The following ARHGAP11B variants were observed in gnomAD, a reference collection of about 807,000 sequenced individuals.
ARHGAP11B encodes Rho GTPase activating protein 11B, also known as inactive Rho GTPase-activating protein 11B.
In ARHGAP11B, 14 loss-of-function variants were observed where a neutral mutation model predicts 27.6. That is an observed-to-expected ratio of 0.51 (90% CI 0.34 to 0.79). The LOEUF (loss-of-function observed/expected upper bound fraction) is 0.79. Among genes scored for constraint, ARHGAP11B ranks in the 30% least tolerant of loss-of-function variants. ARHGAP11B has a pLI of 0.02. For missense variants in ARHGAP11B, 245 were observed against 320.1 expected (o/e 0.77, Z 1.79); for synonymous variants, 82 against 114.1 (o/e 0.72, Z 1.80).
At chr15:30,632,470 A>T (rs1028082442) in intron 2 of ARHGAP11B, among the ~76,000 whole-genome samples, 3 of 151,956 alleles carry the variant, frequency 2.0e-5, no homozygotes, top group African/African-American at 7.3e-5. Context: ...TTGCAAAGTC[A>T]TATTCCCAGG....
Position 30,626,811 on chromosome 15 carries a change from C to T in ARHGAP11B, c.-10C>T. On this transcript the variant is annotated 5_prime_UTR_variant, in exon 1 of 11. The change creates a new upstream start codon in the 5' untranslated region. Coordinates refer to ENST00000428041, the Ensembl canonical transcript of ARHGAP11B. ...CTGCATCCTGCCTCAGAGTTATCGA[C>T]GTATCCGGAATGTGGGATCAGAGGC... 1.2e-6 allele frequency: 2 copies of T among 1,613,342 alleles called. No individual in the cohort carries two copies. The highest frequency in any genetic ancestry group is 1.7e-6 in the Non-Finnish European group (2 of 1,179,622).
intron 9 of ARHGAP11B, among the ~76,000 whole-genome samples, chr15:30,646,486 TTC>T (rs2060348771): frequency 6.6e-6 from 1 of 151,914 alleles, no homozygotes; most frequent in South Asian, 2.1e-4. Context: ...ATTTTGAACT[TTC>T]TGTTGTTGTT....
chr15:30,643,063 A>C (rs2060324598), intron 7 of ARHGAP11B, among the ~76,000 whole-genome samples: 1 of 151,990 alleles, frequency 6.6e-6, no homozygotes, highest in South Asian at 2.1e-4. Context: ...TCTTTCTGTA[A>C]AAGGAAAAAT....
chr15:30,632,517 A>T (rs1030309789), intron 2 of ARHGAP11B, among the ~76,000 whole-genome samples: 1 of 151,830 alleles, frequency 6.6e-6, no homozygotes, highest in Non-Finnish European at 1.5e-5. Context: ...TTCATGACCT[A>T]CTTTTTATTT....
intron 7 of ARHGAP11B, among the ~76,000 whole-genome samples, chr15:30,639,539 A>G (rs1479877908): frequency 6.6e-6 from 1 of 151,890 alleles, no homozygotes; most frequent in Non-Finnish European, 1.5e-5. Context: ...CTTTATAAGA[A>G]GAAATTATGT....
intron 6 of ARHGAP11B, among the ~76,000 whole-genome samples, chr15:30,637,076 CCCAGTCCTGTAGTTTCAGTTATCA>C (rs1317453028): frequency 3.3e-5 from 5 of 151,886 alleles, no homozygotes; most frequent in South Asian, 4.2e-4. Context: ...TGCCCTCTTT[CCCAGTCCTGTAGTTTCAGTTATCA>C]CCAGTCCTGT....
exon 9 of ARHGAP11B, chr15:30,646,140 C>G (rs912518375): frequency 4.0e-5 from 42 of 1,043,032 alleles, no homozygotes; most frequent in Non-Finnish European, 4.9e-5. Flanking sequence ...TCTGAAAGAC[C>G]AAGATTGGAA....
chr15:30,649,001 T>C (rs1281660991), exon 11 of ARHGAP11B: 9 of 152,158 alleles, frequency 5.9e-5, no homozygotes, highest in Non-Finnish European at 1.0e-4. Context: ...TAAACACTTT[T>C]ATTTAAAACA....
intron 6 of ARHGAP11B, among the ~76,000 whole-genome samples, chr15:30,637,526 A>G (rs1214454297): frequency 6.6e-6 from 1 of 152,070 alleles, no homozygotes; most frequent in Non-Finnish European, 1.5e-5. Context: ...TGAGGTCAGG[A>G]GATCGAGACC....
chr15:30,646,347 C>A, intron 9 of ARHGAP11B: 1 of 404,478 alleles, frequency 2.5e-6, no homozygotes, highest in Non-Finnish European at 3.5e-6. Flanking sequence ...TTTATAGAGG[C>A]TCAAACAAGT....
chr15:30,639,570 A>G (rs1298027993), intron 7 of ARHGAP11B, among the ~76,000 whole-genome samples: 1 of 151,844 alleles, frequency 6.6e-6, no homozygotes, highest in Non-Finnish European at 1.5e-5. Context: ...TATGTTGTCA[A>G]CTCTGCAGTA....
At position 30,633,481 on chromosome 15, in the gene ARHGAP11B, C is replaced by G. The variant is rs373973490; in HGVS notation, c.201-9C>G. ...TATGTCTAGCCACCTGAAAAAATCT[C>G]TCTTTCAGCTTTCTTGTCGATGCTT... On this transcript the variant is annotated splice_polypyrimidine_tract_variant and intron_variant, in intron 2 of 10. Transcript: ENST00000428041. 3.7e-6 allele frequency: 6 copies of G among 1,606,996 alleles called. No homozygotes were observed. Among genetic ancestry groups the G allele is most frequent in the African/African-American group, 1.3e-5 (1 of 74,568 alleles).
intron 1 of ARHGAP11B, 128 bp downstream of exon 1, chr15:30,627,077 C>G (rs565820311): frequency 7.4e-7 from 1 of 1,345,970 alleles, no homozygotes; most frequent in African/African-American, 1.5e-5. Flanking sequence ...TAATTCAGTT[C>G]AGATGATCGA....
intron 3 of ARHGAP11B, among the ~76,000 whole-genome samples, chr15:30,633,853 G>A (rs1431896415): frequency 6.6e-6 from 1 of 151,690 alleles, no homozygotes; most frequent in Non-Finnish European, 1.5e-5. Context: ...TTATATTGTT[G>A]TTAGCCTTCT....
At chr15:30,641,876 C>G (rs1461128361) in intron 7 of ARHGAP11B, among the ~76,000 whole-genome samples, 1 of 151,616 alleles carries the variant, frequency 6.6e-6, no homozygotes, top group Admixed American at 6.6e-5. Flanking sequence ...ACCACCACAC[C>G]CAGCTAATTT....
chr15:30,635,452 T>C (rs1243098924), intron 5 of ARHGAP11B, 35 bp from the exon 6 acceptor site: 2 of 1,602,360 alleles, frequency 1.2e-6, no homozygotes, highest in Non-Finnish European at 1.7e-6. Context: ...GGAGGAAGGA[T>C]AATAATTGTC....
At position 30,641,287 on chromosome 15, in the gene ARHGAP11B, A is replaced by G. The variant is rs969365855; in HGVS notation, c.*78+2467A>G. On this transcript the variant is annotated intron_variant, in intron 7 of 10. Transcript: ENST00000428041. The stretch of plus-strand genomic sequence containing the variant: ...AAAAATATGATGCTTTTAAAAATAT[A>G]TAAAGACAACATTAGTCTGTAGTCC... Among the ~76,000 whole-genome samples, 225 of 152,064 alleles carry G rather than the reference A, an allele frequency of 1.5e-3. 6 individuals carry two copies. Among genetic ancestry groups the G allele is most frequent in the Non-Finnish European group, 1.9e-4 (13 of 67,970 alleles).
In ARHGAP11B at chr15:30,635,198, C is replaced by T. The variant is rs371324595; in HGVS notation, c.660+10C>T. The T allele has an allele frequency of 6.2e-7, 1 of 1,611,966 alleles. No individual in the cohort carries two copies. Among genetic ancestry groups the T allele is most frequent in the Non-Finnish European group, 8.5e-7 (1 of 1,178,500 alleles). On this transcript the variant is annotated intron_variant, in intron 5 of 10. Transcript: ENST00000428041. Reference sequence around the variant, plus strand: ...TAACGCAGAAAAGAAGGTACGATTACAGGCTGCAGTAGTACAGACTCTTAT... The same window carrying T: ...TAACGCAGAAAAGAAGGTACGATTATAGGCTGCAGTAGTACAGACTCTTAT...
chr15:30,645,236 T>C (rs1186926549), intron 8 of ARHGAP11B, among the ~76,000 whole-genome samples: 1 of 152,062 alleles, frequency 6.6e-6, no homozygotes, highest in African/African-American at 2.4e-5. Context: ...AAACTTTTTT[T>C]TTTAACAAAT....
Sources: gnomAD v4.1 joint callset for allele counts (sites outside exome capture counted in the v4.1 genomes callset) on GRCh38, gnomAD v4.1.1 for gene constraint, MANE v1.5 for transcripts, NCBI Gene and HGNC (gene_info 2026-07-23, HGNC 2026-07-21) for gene names.